The following RALGPS1 variants were observed in gnomAD, a reference collection of about 807,000 sequenced individuals.
RALGPS1 encodes the protein Ral GEF with PH domain and SH3 binding motif 1, also known as ras-specific guanine nucleotide-releasing factor RalGPS1.
Under a neutral mutation model 78.8 loss-of-function variants are expected in RALGPS1, and 19 were observed. The observed-to-expected ratio is 0.24, with a 90% CI of 0.17 to 0.35. The LOEUF (loss-of-function observed/expected upper bound fraction) is 0.35. Ranked by LOEUF, RALGPS1 falls within the 10% of genes least tolerant of loss-of-function variation. The pLI is 1.00. For missense variants in RALGPS1, 454 were observed against 688.3 expected (o/e 0.66, Z 3.81); for synonymous variants, 228 against 256.3 (o/e 0.89, Z 1.06).
chr9:127,073,521 A>G (rs1368166690), intron 8 of RALGPS1, among the ~76,000 whole-genome samples: 1 of 146,650 alleles, frequency 6.8e-6, no homozygotes, highest in Non-Finnish European at 1.5e-5. Flanking sequence ...TCTGCTGATA[A>G]ACACTTAGGT....
chr9:127,222,458 A>C lies in RALGPS1; in HGVS notation c.*3689A>C, dbSNP rs1241661219. On this transcript the variant is annotated 3_prime_UTR_variant, in exon 19 of 19. Coordinates refer to ENST00000259351, the MANE Select transcript of RALGPS1 (RefSeq NM_014636.3). ...GTCAAACTGTCACAGTATCTGCTCCATAGGTTTCTGTTTTTAATTTCAATG... is the reference window on the plus strand; with the variant it reads ...GTCAAACTGTCACAGTATCTGCTCCCTAGGTTTCTGTTTTTAATTTCAATG... The C allele has an allele frequency of 6.6e-6, 1 of 152,236 alleles. No individual in the cohort carries two copies. Among genetic ancestry groups the C allele is most frequent in the Non-Finnish European group, 1.5e-5 (1 of 68,040 alleles). The allele number at this position is 152,236 out of a possible 1,614,324, so 9.4% of individuals were successfully genotyped here.
chr9:127,019,724 G>A (rs1254264008), intron 4 of RALGPS1, among the ~76,000 whole-genome samples: 1 of 152,130 alleles, frequency 6.6e-6, no homozygotes, highest in African/African-American at 2.4e-5. Context: ...TGTGTTTCCA[G>A]GTTGAGGCTG....
intron 4 of RALGPS1, among the ~76,000 whole-genome samples, chr9:127,020,960 T>TTTTAC (rs1159095121): frequency 2.6e-5 from 4 of 152,246 alleles, no homozygotes; most frequent in Non-Finnish European, 4.4e-5. Flanking sequence ...AATGGATAAA[T>TTTTAC]ATATGTAAAA....
At chr9:127,110,209 T>G (rs1356502755) in intron 8 of RALGPS1, among the ~76,000 whole-genome samples, 1 of 152,160 alleles carries the variant, frequency 6.6e-6, no homozygotes, top group African/African-American at 2.4e-5. Context: ...TCCCCTTCAT[T>G]CTAGGTTGCC....
At chr9:127,044,520 T>C (rs571417224) in intron 5 of RALGPS1, among the ~76,000 whole-genome samples, 1 of 152,298 alleles carries the variant, frequency 6.6e-6, no homozygotes, top group South Asian at 2.1e-4. Flanking sequence ...CCTCCCAAAG[T>C]GTTGGGATTA....
chr9:127,113,352 C>G (rs1339047547), intron 8 of RALGPS1, among the ~76,000 whole-genome samples: 1 of 152,182 alleles, frequency 6.6e-6, no homozygotes, highest in Admixed American at 6.5e-5. Context: ...CATTTATTTT[C>G]CTTGGAGTCC....
intron 9 of RALGPS1, 92 bp downstream of exon 9, chr9:127,166,298 T>A: frequency 7.0e-7 from 1 of 1,437,814 alleles, no homozygotes; most frequent in Non-Finnish European, 9.5e-7. Flanking sequence ...TTCAAAGAAC[T>A]ACAAAGTTCC....
At chr9:127,109,066 C>T (rs996572056) in intron 8 of RALGPS1, among the ~76,000 whole-genome samples, 27 of 152,322 alleles carry the variant, frequency 1.8e-4, no homozygotes, top group African/African-American at 6.5e-4. Flanking sequence ...ATGCCCGCAG[C>T]CCCCTTGCTG....
At chr9:127,155,593 C>T (rs1295364167) in intron 8 of RALGPS1, among the ~76,000 whole-genome samples, 1 of 152,110 alleles carries the variant, frequency 6.6e-6, no homozygotes, top group Non-Finnish European at 1.5e-5. Context: ...TTTCACATTG[C>T]CTGTTGGGAT....
intron 4 of RALGPS1, among the ~76,000 whole-genome samples, chr9:126,981,516 A>G (rs1004752031): frequency 6.6e-6 from 1 of 152,156 alleles, no homozygotes; most frequent in African/African-American, 2.4e-5. Flanking sequence ...ATGGCTCACT[A>G]TGCACAGGGT....
At chr9:127,010,122 A>G (rs2044210815) in intron 4 of RALGPS1, among the ~76,000 whole-genome samples, 1 of 152,114 alleles carries the variant, frequency 6.6e-6, no homozygotes. Context: ...GAGTCTGGCA[A>G]GCCAACTTGA....
intron 8 of RALGPS1, among the ~76,000 whole-genome samples, chr9:127,150,609 C>T (rs530565098): frequency 6.6e-6 from 1 of 152,206 alleles, no homozygotes; most frequent in Non-Finnish European, 1.5e-5. Context: ...GATGCTCGTG[C>T]TCAGGGAGTT....
Position 127,196,609 on chromosome 9 carries a change from T to G in RALGPS1, c.1173T>G (p.Ala391=). ...RRGLALTSSS[A]VTNGLSLGSS... ...GCCTGGCTCTGACCTCCTCCTCTGC[T>G]GTCACCAATGGACTCTCCCTAGGTA... The change falls in exon 13 of 19, where the codon GCT becomes GCG. Residue 391 remains alanine, a synonymous_variant. Coordinates refer to ENST00000259351, the MANE Select transcript of RALGPS1 (RefSeq NM_014636.3). 3 of 1,609,338 alleles carry G rather than the reference T, an allele frequency of 1.9e-6. No individual in the cohort carries two copies. In the African/African-American group the frequency reaches 4.0e-5, roughly 22 times the overall value.
intron 13 of RALGPS1, 30 bp downstream of exon 13, chr9:127,196,661 C>T (rs376872232): frequency 5.2e-6 from 8 of 1,553,220 alleles, no homozygotes; most frequent in Non-Finnish European, 6.1e-6. Context: ...ACATGATAGG[C>T]TGGTGGGCTG....
At chr9:127,110,330 C>T (rs1338177569) in intron 8 of RALGPS1, among the ~76,000 whole-genome samples, 3 of 152,194 alleles carry the variant, frequency 2.0e-5, no homozygotes, top group Non-Finnish European at 2.9e-5. Context: ...CTTGACCTTC[C>T]TTTCCAGAGC....
At chr9:127,034,140 C>T (rs2046657804) in intron 4 of RALGPS1, among the ~76,000 whole-genome samples, 1 of 152,190 alleles carries the variant, frequency 6.6e-6, no homozygotes, top group Non-Finnish European at 1.5e-5. Context: ...AGAAGGACTT[C>T]TGGTCTTAGA....
At chr9:127,016,895 A>G (rs2044884350) in intron 4 of RALGPS1, 1 of 152,188 alleles carries the variant, frequency 6.6e-6, no homozygotes, top group African/African-American at 2.4e-5. Flanking sequence ...AGTACACCTT[A>G]TATTTCAATG....
intron 1 of RALGPS1, among the ~76,000 whole-genome samples, chr9:126,928,816 G>T (rs2035538889): frequency 6.6e-6 from 1 of 152,078 alleles, no homozygotes; most frequent in African/African-American, 2.4e-5. Context: ...TCGCCAGGCT[G>T]ATCACAAACT....
intron 11 of RALGPS1, among the ~76,000 whole-genome samples, chr9:127,189,395 C>T (rs1341757473): frequency 6.6e-6 from 1 of 152,158 alleles, no homozygotes; most frequent in Non-Finnish European, 1.5e-5. Flanking sequence ...GAACGTGCTT[C>T]CTGAGAAGGT....
Sources: gnomAD v4.1 joint callset for allele counts (sites outside exome capture counted in the v4.1 genomes callset) on GRCh38, gnomAD v4.1.1 for gene constraint, MANE v1.5 for transcripts, NCBI Gene and HGNC (gene_info 2026-07-23, HGNC 2026-07-21) for gene names.